Variants in ELAPOR2 observed in about 807,000 individuals in gnomAD.
ELAPOR2 encodes endosome/lysosome-associated apoptosis and autophagy regulator family member 2.
ELAPOR2 carries 89 observed loss-of-function variants against 120.7 expected under a neutral mutation model. The ratio of observed to expected loss-of-function variants is 0.74; its 90% CI spans 0.62 to 0.88. The LOEUF (loss-of-function observed/expected upper bound fraction) is 0.88, where lower values mean the gene tolerates loss of function less well. Among genes scored for constraint, ELAPOR2 ranks in the 40% least tolerant of loss-of-function variants. ELAPOR2 has a pLI of 0.00. For missense variants in ELAPOR2, 1,134 were observed against 1,251.6 expected (o/e 0.91, Z 1.42); for synonymous variants, 444 against 444.9 (o/e 1.00, Z 0.03).
At position 86,909,831 on chromosome 7, in the gene ELAPOR2, A is replaced by C; in HGVS notation, c.2340T>G (p.Ile780Met). 6.2e-7 allele frequency: 1 copy of C among 1,611,022 alleles called. No homozygotes were observed. Reference protein sequence around the residue: ...FRAALSSQSIILADTFIGVTV... With the variant: ...FRAALSSQSIMLADTFIGVTV... Reference sequence around the variant, plus strand: ...GCTTACCTATGAATGTATCTGCCAGAATGATGGATTGTGATGATAAGGCTG... The same window carrying C: ...GCTTACCTATGAATGTATCTGCCAGCATGATGGATTGTGATGATAAGGCTG... Residue 780 changes from isoleucine to methionine, a missense_variant, in exon 16 of 22, where the codon ATT (isoleucine) becomes ATG (methionine). By Grantham distance (10) the Ile-to-Met change is conservative (BLOSUM62 1). Coordinates refer to ENST00000450689, the MANE Select transcript of ELAPOR2 (RefSeq NM_001142749.3).
intron 2 of ELAPOR2, among the ~76,000 whole-genome samples, chr7:86,963,633 A>G (rs527723003): frequency 6.6e-6 from 1 of 152,326 alleles, no homozygotes; most frequent in South Asian, 2.1e-4. Context: ...ATGAAAAGTA[A>G]ACATAGATAA....
intron 2 of ELAPOR2, among the ~76,000 whole-genome samples, chr7:86,951,873 A>T (rs761562127): frequency 2.6e-5 from 4 of 152,224 alleles, no homozygotes; most frequent in Non-Finnish European, 4.4e-5. Context: ...TGCCTGAATA[A>T]AGCTTATCTA....
intron 1 of ELAPOR2, among the ~76,000 whole-genome samples, chr7:87,051,204 A>C (rs137993840): frequency 1.7e-3 from 252 of 152,310 alleles, no homozygotes; most frequent in African/African-American, 5.8e-3. Context: ...GAACATGGCA[A>C]TGTCAAGATG....
At chr7:87,059,188 C>T (rs1795354800) in intron 1 of ELAPOR2, 137 bp downstream of exon 1, 1 of 1,197,194 alleles carries the variant, frequency 8.4e-7, no homozygotes, top group South Asian at 4.4e-5. Flanking sequence ...CTTCACCCCT[C>T]GAAGCAAACG....
At chr7:87,040,145 T>C (rs1339171946) in intron 1 of ELAPOR2, among the ~76,000 whole-genome samples, 1 of 152,254 alleles carries the variant, frequency 6.6e-6, no homozygotes, top group Non-Finnish European at 1.5e-5. Flanking sequence ...CGCTGATTGC[T>C]AGCACAGCAG....
chr7:86,925,558 C>A lies in ELAPOR2; in HGVS notation c.1369G>T (p.Val457Phe). The change falls in exon 10 of 22, where the codon GTT becomes TTT. Residue 457 changes from valine (V) to phenylalanine (F), a missense_variant. Val to Phe is a conservative substitution (Grantham distance 50). Coordinates refer to ENST00000450689, the MANE Select transcript of ELAPOR2 (RefSeq NM_001142749.3). ...ATTCCATCGCACTTTGAATTCCCAA[C>A]ATTGAAGCAGGAAGTTTTCATGTTG... Reference protein sequence around the residue: ...PGNMKTSCFNVGNSKCDGMNG... With the variant: ...PGNMKTSCFNFGNSKCDGMNG... 7 of 1,612,042 alleles carry A rather than the reference C, an allele frequency of 4.3e-6. No individual in the cohort carries two copies. The highest frequency in any genetic ancestry group is 5.9e-6 in the Non-Finnish European group (7 of 1,178,630).
At chr7:86,991,073 G>C (rs1215782273) in intron 1 of ELAPOR2, among the ~76,000 whole-genome samples, 1 of 152,078 alleles carries the variant, frequency 6.6e-6, no homozygotes, top group Non-Finnish European at 1.5e-5. Flanking sequence ...TTGTATATAT[G>C]GATGGACAGA....
At chr7:86,891,672 G>C (rs1788164800) in intron 21 of ELAPOR2, 52 bp downstream of exon 21, 4 of 1,481,858 alleles carry the variant, frequency 2.7e-6, no homozygotes, top group Non-Finnish European at 3.7e-6. Flanking sequence ...AGGTTAATAT[G>C]CCCTCTACTT....
At chr7:87,043,912 T>G (rs1473475383) in intron 1 of ELAPOR2, among the ~76,000 whole-genome samples, 63 of 151,626 alleles carry the variant, frequency 4.2e-4, no homozygotes, top group African/African-American at 1.5e-3. Flanking sequence ...TTCAGCGAAG[T>G]CTCAGGATAC....
intron 12 of ELAPOR2, among the ~76,000 whole-genome samples, chr7:86,917,625 G>A (rs1032127715): frequency 6.6e-6 from 1 of 152,074 alleles, no homozygotes; most frequent in East Asian, 1.9e-4. Flanking sequence ...GATATAGATG[G>A]CTGTGTTGAA....
At chr7:87,037,294 T>C (rs889939929) in intron 1 of ELAPOR2, among the ~76,000 whole-genome samples, 2 of 152,102 alleles carry the variant, frequency 1.3e-5, no homozygotes, top group Non-Finnish European at 2.9e-5. Context: ...TGTTTGTGTG[T>C]GCCCAGGGTA....
chr7:86,949,210 G>C (rs1044403833), intron 2 of ELAPOR2, among the ~76,000 whole-genome samples: 1 of 152,152 alleles, frequency 6.6e-6, no homozygotes, highest in Admixed American at 6.5e-5. Context: ...TGGCATGCTG[G>C]CTACATAGTC....
chr7:87,050,726 G>A (rs1283342736), intron 1 of ELAPOR2, among the ~76,000 whole-genome samples: 1 of 152,190 alleles, frequency 6.6e-6, no homozygotes, highest in Non-Finnish European at 1.5e-5. Context: ...GAGCTGCACT[G>A]TGACATCAAG....
intron 18 of ELAPOR2, among the ~76,000 whole-genome samples, chr7:86,899,051 A>G (rs1482923447): frequency 6.6e-6 from 1 of 152,096 alleles, no homozygotes; most frequent in African/African-American, 2.4e-5. Context: ...TACCTTCACT[A>G]CTCTGAAGAT....
chr7:86,940,088 G>C lies in ELAPOR2; in HGVS notation c.769C>G (p.Leu257Val), dbSNP rs773998885. The change falls in exon 6 of 22, where the codon CTC (leucine) becomes GTC (valine). Residue 257 changes from leucine (L) to valine (V), a missense_variant. Coordinates refer to ENST00000450689, the MANE Select transcript of ELAPOR2 (RefSeq NM_001142749.3). ...AGGATGCCTGTAGTTCTCCAGTAGA[G>C]TATGTTTGTGCCTGATTTCAGCATT... ...SVMLKSGTNI[L>V]YWRTTGILMG... 6.2e-7 allele frequency: 1 copy of C among 1,611,668 alleles called. No homozygotes were observed. The highest frequency in any genetic ancestry group is 2.2e-5 in the East Asian group (1 of 44,788).
chr7:86,934,697 G>T (rs1790488939), intron 8 of ELAPOR2, among the ~76,000 whole-genome samples: 1 of 151,960 alleles, frequency 6.6e-6, no homozygotes, highest in Admixed American at 6.6e-5. Flanking sequence ...TTAATTGCCA[G>T]CTATTTGCTA....
In ELAPOR2 at chr7:86,926,759, C is replaced by A; in HGVS notation, c.1247G>T (p.Gly416Val). ...ACCTTTGGTTCCATCTGAAAATGTT[C>A]CAGGAGGACAGGGATGGCAAGAAGA... Reference protein sequence around the residue: ...GSSSCHPCPPGTFSDGTKECR... With the variant: ...GSSSCHPCPPVTFSDGTKECR... Residue 416 changes from glycine (G) to valine (V), a missense_variant, in exon 9 of 22, where the codon GGA (glycine) becomes GTA (valine). Transcript: ENST00000450689. The A allele has an allele frequency of 6.2e-7, 1 of 1,609,194 alleles. No homozygotes were observed. The highest frequency in any genetic ancestry group is 1.1e-5 in the South Asian group (1 of 90,332).
chr7:86,985,611 G>T (rs1792698843), intron 1 of ELAPOR2, among the ~76,000 whole-genome samples: 1 of 152,130 alleles, frequency 6.6e-6, no homozygotes. Flanking sequence ...CTCAATAGAT[G>T]CAGAAAAGGC....
chr7:86,932,288 T>C (rs570455982), intron 8 of ELAPOR2, among the ~76,000 whole-genome samples: 1 of 152,018 alleles, frequency 6.6e-6, no homozygotes, highest in East Asian at 1.9e-4. Flanking sequence ...AAATAATTTG[T>C]TCTATATTGA....
Sources: gnomAD v4.1 joint callset for allele counts (sites outside exome capture counted in the v4.1 genomes callset) on GRCh38, gnomAD v4.1.1 for gene constraint, MANE v1.5 for transcripts, NCBI Gene and HGNC (gene_info 2026-07-23, HGNC 2026-07-21) for gene names.